TMX4: variants seen among roughly 807,000 people sequenced by gnomAD.
TMX4 encodes thioredoxin-related transmembrane protein 4.
TMX4 carries 23 observed loss-of-function variants against 33.3 expected under a neutral mutation model. That is an observed-to-expected ratio of 0.69 (90% CI 0.50 to 0.98). The LOEUF (loss-of-function observed/expected upper bound fraction) is 0.98. Ranked by LOEUF, TMX4 falls within the 50% of genes least tolerant of loss-of-function variation. TMX4 has a pLI of 0.00. For synonymous variants in TMX4, 164 were observed against 161.5 expected, an observed-to-expected ratio of 1.02 and a Z score of -0.12; for missense variants, 399 against 448.9, an observed-to-expected ratio of 0.89 and a Z score of 1.01.
intron 3 of TMX4, 45 bp downstream of exon 3, chr20:8,001,451 A>G (rs1340758677): frequency 4.6e-6 from 7 of 1,538,298 alleles, no homozygotes; most frequent in Non-Finnish European, 6.2e-6. Flanking sequence ...GTACACATCT[A>G]TTGATTTCTA....
At chr20:7,986,702 T>TTTA (rs2050632195) in intron 6 of TMX4, among the ~76,000 whole-genome samples, 1 of 152,236 alleles carries the variant, frequency 6.6e-6, no homozygotes, top group East Asian at 1.9e-4. Flanking sequence ...AAATTTATTA[T>TTTA]TCAACTCTTG....
chr20:7,988,752 C>T (rs1022448020), intron 5 of TMX4, among the ~76,000 whole-genome samples: 2 of 152,182 alleles, frequency 1.3e-5, no homozygotes, highest in African/African-American at 2.4e-5. Context: ...TGGCTGGACA[C>T]GGTGACTCAT....
rs764042713 is a variant in TMX4 at position 7,982,653 on chromosome 20, A to C, written c.680-32T>G. 1.9e-6 allele frequency: 3 copies of C among 1,571,844 alleles called. No homozygotes were observed. In the African/African-American group the frequency reaches 4.1e-5, roughly 21 times the overall value. ...AGGGAAGAAAGAGGAATATCCTCTG[A>C]ATAAACAATGGTAATTCGGTAATCA... On this transcript the variant is annotated intron_variant, in intron 7 of 7. Coordinates refer to ENST00000246024, the MANE Select transcript of TMX4 (RefSeq NM_021156.4).
chr20:8,018,917 C>T (rs1396947004), intron 1 of TMX4: 2 of 402,936 alleles, frequency 5.0e-6, no homozygotes, highest in Non-Finnish European at 9.7e-6. Context: ...GACTACGACA[C>T]AAATGGCCTG....
rs2050600544 is a variant in TMX4 at position 7,980,480 on chromosome 20, G to A, written c.*1771C>T. On this transcript the variant is annotated 3_prime_UTR_variant, in exon 8 of 8. Coordinates refer to ENST00000246024, the MANE Select transcript of TMX4 (RefSeq NM_021156.4). Reference sequence around the variant, plus strand: ...CCATCAGAACCATGGCACTTTGGGTGAAGGTGTGTCAGCGACCAAGGGGGC... The same window carrying A: ...CCATCAGAACCATGGCACTTTGGGTAAAGGTGTGTCAGCGACCAAGGGGGC... 1 of 152,384 alleles carries A rather than the reference G, an allele frequency of 6.6e-6. No homozygotes were observed. The highest frequency in any genetic ancestry group is 2.4e-5 in the African/African-American group (1 of 41,440). 9.4% of individuals were successfully genotyped at this position (152,384 alleles called of 1,614,324 possible). A position where few individuals can be genotyped will look rare whatever the true frequency, so the allele number is the denominator to read the frequency against.
chr20:8,007,912 A>G (rs569905833), intron 2 of TMX4, among the ~76,000 whole-genome samples: 1 of 152,152 alleles, frequency 6.6e-6, no homozygotes, highest in East Asian at 1.9e-4. Context: ...TTATTTGCCA[A>G]TTTTCTTTTG....
At position 7,982,620 on chromosome 20, in the gene TMX4, C is replaced by G; in HGVS notation, c.681G>C (p.Glu227Asp). The G allele has an allele frequency of 6.2e-7, 1 of 1,607,856 alleles. No homozygotes were observed. Among genetic ancestry groups the G allele is most frequent in the Non-Finnish European group, 8.5e-7 (1 of 1,178,014 alleles). Residue 227 changes from glutamate (E) to aspartate (D), a missense_variant and splice_region_variant, in exon 8 of 8, where the codon GAG (glutamate) becomes GAC (aspartate). By Grantham distance (45) the Glu-to-Asp change is conservative (BLOSUM62 2). Coordinates refer to ENST00000246024, the MANE Select transcript of TMX4 (RefSeq NM_021156.4). The part of the protein sequence containing the change: ...PLPRHLSERS[E>D]QNRRSEEAHR... The stretch of plus-strand genomic sequence containing the variant: ...GAGCCTCCTCTGATCTCCGATTCTG[C>G]TCTATGGAGGGAAGAAAGAGGAATA...
intron 2 of TMX4, among the ~76,000 whole-genome samples, chr20:8,006,004 CA>C (rs1311389939): frequency 1.4e-5 from 2 of 145,470 alleles, no homozygotes; most frequent in African/African-American, 2.5e-5. Flanking sequence ...TGTGATAAGG[CA>C]GGGGGGTGTC....
chr20:8,001,123 AC>A (rs1471437872), intron 3 of TMX4, among the ~76,000 whole-genome samples: 2 of 152,300 alleles, frequency 1.3e-5, no homozygotes, highest in Admixed American at 1.3e-4. Flanking sequence ...GCCATAAAGA[AC>A]TAGTTCAAAG....
intron 2 of TMX4, among the ~76,000 whole-genome samples, chr20:8,005,258 G>A (rs934952432): frequency 6.6e-6 from 1 of 152,116 alleles, no homozygotes; most frequent in Non-Finnish European, 1.5e-5. Context: ...CATCTGCATG[G>A]AACAGAAGGT....
In TMX4 at chr20:7,980,870, A is replaced by G. The variant is rs151155799; in HGVS notation, c.*1381T>C. The G allele has an allele frequency of 2.6e-5, 4 of 152,324 alleles. No individual in the cohort carries two copies. The highest frequency in any genetic ancestry group is 2.6e-4 in the Admixed American group (4 of 15,298). The allele number at this position is 152,324 out of a possible 1,614,324, so 9.4% of individuals were successfully genotyped here. The stretch of plus-strand genomic sequence containing the variant: ...GGGTTATCTAAACAGCCAGATAGAA[A>G]TATACTGCACGTTCCTTTTTAAAGA... On this transcript the variant is annotated 3_prime_UTR_variant, in exon 8 of 8. Transcript: ENST00000246024.
Position 7,982,440 on chromosome 20 carries a change from A to T in TMX4, c.861T>A (p.Ala287=), listed in dbSNP as rs1370902790. The T allele has an allele frequency of 3.1e-6, 5 of 1,614,052 alleles. No individual in the cohort carries two copies. The highest frequency in any genetic ancestry group is 4.2e-6 in the Non-Finnish European group (5 of 1,180,004). The part of the protein sequence containing the change: ...EEEEEEDNLA[A]GVDEERSEAN... The stretch of plus-strand genomic sequence containing the variant: ...CCTCACTTCTCTCCTCATCCACACC[A>T]GCAGCCAAGTTGTCCTCCTCCTCTT... The change falls in exon 8 of 8, where the codon GCT becomes GCA. Residue 287 remains alanine, a synonymous_variant. Transcript: ENST00000246024.
intron 5 of TMX4, among the ~76,000 whole-genome samples, chr20:7,992,078 T>C (rs548032306): frequency 9.2e-5 from 14 of 152,384 alleles, no homozygotes; most frequent in South Asian, 6.2e-4. Flanking sequence ...ACATTGCTTT[T>C]ATGATATTCA....
rs1046588701 is a variant in TMX4 at position 7,980,151 on chromosome 20, G to A, written c.*2100C>T. ...GTTCAACCTGTACTATTTGGGGTCCGGTTGGAAATTGGCTTTACATTTTTA... is the reference window on the plus strand; with the variant it reads ...GTTCAACCTGTACTATTTGGGGTCCAGTTGGAAATTGGCTTTACATTTTTA... On this transcript the variant is annotated 3_prime_UTR_variant, in exon 8 of 8. Coordinates refer to ENST00000246024, the MANE Select transcript of TMX4 (RefSeq NM_021156.4). 5 of 152,178 alleles carry A rather than the reference G, an allele frequency of 3.3e-5. No individual in the cohort carries two copies. Among genetic ancestry groups the A allele is most frequent in the Admixed American group, 6.5e-5 (1 of 15,280 alleles). The allele number at this position is 152,178 out of a possible 1,614,324, so 9.4% of individuals were successfully genotyped here.
rs191406429 is a variant in TMX4, at chr20:7,979,923, A to G, written c.*2328T>C. 5.9e-5 allele frequency: 9 copies of G among 152,280 alleles called. No homozygotes were observed. The highest frequency in any genetic ancestry group is 1.2e-4 in the Non-Finnish European group (8 of 68,026). The allele number at this position is 152,280 out of a possible 1,614,324, so 9.4% of individuals were successfully genotyped here. On this transcript the variant is annotated 3_prime_UTR_variant, in exon 8 of 8. Transcript: ENST00000246024. ...TCTAAACACAAAATTCATTTGTTTT[A>G]TATACACCTTATACAACATAGCTTG...
chr20:7,998,730 G>A (rs2050688343), intron 4 of TMX4, among the ~76,000 whole-genome samples: 1 of 152,122 alleles, frequency 6.6e-6, no homozygotes, highest in African/African-American at 2.4e-5. Context: ...CCATTCCTGG[G>A]AATAATCTTC....
chr20:7,982,404 C>T lies in TMX4; in HGVS notation c.897G>A (p.Gln299=). 1 of 1,614,098 alleles carries T rather than the reference C, an allele frequency of 6.2e-7. No homozygotes were observed. Among genetic ancestry groups the T allele is most frequent in the South Asian group, 1.1e-5 (1 of 91,074 alleles). ...VDEERSEAND[Q]GPPGEDGVTR... ...TCACACCGTCCTCTCCTGGGGGCCCCTGATCATTGGCCTCACTTCTCTCCT... is the reference window on the plus strand; with the variant it reads ...TCACACCGTCCTCTCCTGGGGGCCCTTGATCATTGGCCTCACTTCTCTCCT... The change falls in exon 8 of 8, where the codon CAG becomes CAA. Residue 299 remains glutamine, a synonymous_variant. Transcript: ENST00000246024.
At chr20:8,017,725 T>A (rs1013510489) in intron 1 of TMX4, among the ~76,000 whole-genome samples, 1 of 152,230 alleles carries the variant, frequency 6.6e-6, no homozygotes, top group African/African-American at 2.4e-5. Context: ...GAACTTTCTG[T>A]AGTATTGGCT....
At chr20:8,002,435 G>T (rs560946234) in intron 2 of TMX4, among the ~76,000 whole-genome samples, 1 of 152,272 alleles carries the variant, frequency 6.6e-6, no homozygotes, top group Non-Finnish European at 1.5e-5. Flanking sequence ...AAAAAATGCT[G>T]AATGAGACTA....
Sources: gnomAD v4.1 joint callset for allele counts (sites outside exome capture counted in the v4.1 genomes callset) on GRCh38, gnomAD v4.1.1 for gene constraint, MANE v1.5 for transcripts, NCBI Gene and HGNC (gene_info 2026-07-23, HGNC 2026-07-21) for gene names.